Variants in LMF1 observed in about 807,000 individuals in gnomAD.
LMF1 encodes the protein lipase maturation factor 1.
LMF1 carries 68 observed loss-of-function variants against 60.6 expected under a neutral mutation model. The ratio of observed to expected loss-of-function variants is 1.12; its 90% CI spans 0.92 to 1.37. The LOEUF (loss-of-function observed/expected upper bound fraction) is 1.37. Among genes scored for constraint, LMF1 ranks in the 40% most tolerant of loss-of-function variants. The probability of loss-of-function intolerance (pLI) is 0.00; values close to 1 mark genes in which losing one functional copy is unlikely to be tolerated. For synonymous variants in LMF1, 418 were observed against 324.7 expected, an observed-to-expected ratio of 1.29 and a Z score of -3.09; for missense variants, 948 against 767.2, an observed-to-expected ratio of 1.24 and a Z score of -2.78.
intron 1 of LMF1, among the ~76,000 whole-genome samples, chr16:978,098 G>C (rs1394627820): frequency 1.8e-3 from 45 of 25,680 alleles, no homozygotes; most frequent in South Asian, 6.8e-3. Flanking sequence ...AACACACACG[G>C]ACACACACAC....
chr16:981,117 C>A, intron 1 of LMF1: 1 of 417,280 alleles, frequency 2.4e-6, no homozygotes, highest in East Asian at 8.5e-5. Flanking sequence ...CCCCCAGCTC[C>A]GAGCCGCGGC....
intron 6 of LMF1, among the ~76,000 whole-genome samples, chr16:875,201 G>T (rs2069938436): frequency 6.6e-6 from 1 of 152,004 alleles, no homozygotes; most frequent in African/African-American, 2.4e-5. Flanking sequence ...GTGCAGTGAG[G>T]CCCAGCTCTG....
chr16:855,478 C>G, intron 10 of LMF1: 1 of 357,680 alleles, frequency 2.8e-6, no homozygotes, highest in East Asian at 7.4e-5. Flanking sequence ...TCTCGGAGGA[C>G]TGGGCATTTT....
In LMF1 at chr16:860,014, C is replaced by G. The variant is rs1596835287; in HGVS notation, c.1530-5308G>C. On this transcript the variant is annotated intron_variant, in intron 10 of 10. Coordinates refer to ENST00000262301, the MANE Select transcript of LMF1 (RefSeq NM_022773.4). ...ATGGTGGTTTTTGCTTCTCTAATGA[C>G]AGGCATTTCTCCTGAGCTTATCTGT... 2.6e-5 allele frequency among the ~76,000 whole-genome samples: 4 copies of G among 151,884 alleles called. No homozygotes were observed. The South Asian group carries it at 8.3e-4, about 31-fold the overall frequency.
At position 869,946 on chromosome 16, in the gene LMF1, C is replaced by G; in HGVS notation, c.1353G>C (p.Arg451=). The G allele has an allele frequency of 6.2e-7, 1 of 1,613,282 alleles. No individual in the cohort carries two copies. The highest frequency in any genetic ancestry group is 2.2e-5 in the East Asian group (1 of 44,884). ...FKCKPGDPSR[R]PCLISPYHYR... ...AGTGGTACGGGGAGATGAGGCAGGGCCGTCTGCTGGGGTCACCTGGCTTGC... is the reference window on the plus strand; with the variant it reads ...AGTGGTACGGGGAGATGAGGCAGGGGCGTCTGCTGGGGTCACCTGGCTTGC... The change falls in exon 9 of 11, where the codon CGG becomes CGC. Residue 451 remains arginine (R), a synonymous_variant. Coordinates refer to ENST00000262301, the MANE Select transcript of LMF1 (RefSeq NM_022773.4).
upstream of LMF1, chr16:971,109 G>T (rs1052485866): frequency 7.0e-6 from 7 of 1,002,354 alleles, no homozygotes; most frequent in African/African-American, 3.4e-5. Context: ...GGGAGGCCCC[G>T]CTCACAGTCC....
At chr16:936,142 G>A (rs1272191568) in intron 2 of LMF1, among the ~76,000 whole-genome samples, 1 of 148,556 alleles carries the variant, frequency 6.7e-6, no homozygotes, top group African/African-American at 2.5e-5. Flanking sequence ...AGGGCACCCC[G>A]TGGGCTGAGG....
chr16:981,346 G>GAA (rs2073368256), upstream of LMF1: 49 of 222,092 alleles, frequency 2.2e-4, no homozygotes, highest in African/African-American at 1.3e-3. Context: ...GAGAGAGAGA[G>GAA]AGTGTGTGTG....
At chr16:941,497 A>G (rs2151448833) in intron 2 of LMF1, among the ~76,000 whole-genome samples, 1 of 152,360 alleles carries the variant, frequency 6.6e-6, no homozygotes, top group East Asian at 1.9e-4. Flanking sequence ...TGCTGGCATT[A>G]CAGGTATGAG....
At chr16:906,587 G>A (rs902601650) in intron 4 of LMF1, among the ~76,000 whole-genome samples, 2 of 152,042 alleles carry the variant, frequency 1.3e-5, no homozygotes, top group Non-Finnish European at 2.9e-5. Flanking sequence ...CTATCGTGGG[G>A]ACTTGTGATC....
intron 1 of LMF1, among the ~76,000 whole-genome samples, chr16:967,820 G>A (rs998934859): frequency 1.3e-5 from 2 of 152,166 alleles, no homozygotes; most frequent in African/African-American, 2.4e-5. Context: ...CTGCACAGCC[G>A]GGCCAGTGGC....
chr16:906,484 G>C (rs2070974876), intron 4 of LMF1, among the ~76,000 whole-genome samples: 1 of 152,162 alleles, frequency 6.6e-6, no homozygotes, highest in South Asian at 2.1e-4. Context: ...TTTCTTCTGT[G>C]CTGGACGCCT....
chr16:959,674 G>C (rs376627340), intron 1 of LMF1, among the ~76,000 whole-genome samples: 2 of 152,224 alleles, frequency 1.3e-5, no homozygotes, highest in African/African-American at 4.8e-5. Flanking sequence ...CGCAAGGCCA[G>C]AAGGAGCTGT....
chr16:859,484 G>C (rs2069362050), intron 10 of LMF1, among the ~76,000 whole-genome samples: 1 of 102,914 alleles, frequency 9.7e-6, no homozygotes, highest in Admixed American at 8.7e-5. Flanking sequence ...ACGGGTGTGA[G>C]TGGTGTCTCG....
chr16:970,704 G>T (rs755228191), intron 1 of LMF1, 84 bp downstream of exon 1: 2 of 1,285,630 alleles, frequency 1.6e-6, no homozygotes, highest in Non-Finnish European at 2.1e-6. Context: ...CCGCGAGACC[G>T]CGCGGAGGAG....
intron 1 of LMF1, chr16:968,869 G>C (rs146982325): frequency 2.6e-5 from 4 of 152,224 alleles, no homozygotes; most frequent in Non-Finnish European, 5.9e-5. Flanking sequence ...AGGCAAGGCC[G>C]CTGGGACTTC....
At chr16:932,844 C>A (rs968048208) in intron 3 of LMF1, among the ~76,000 whole-genome samples, 1 of 151,534 alleles carries the variant, frequency 6.6e-6, no homozygotes, top group African/African-American at 2.4e-5. Context: ...GGGGGAGGCC[C>A]AGGGACTCAG....
intron 3 of LMF1, among the ~76,000 whole-genome samples, chr16:914,450 G>C (rs2071212572): frequency 6.6e-6 from 1 of 151,706 alleles, no homozygotes; most frequent in Non-Finnish European, 1.5e-5. Context: ...TGTGGGCCCT[G>C]AGCCCCGTGA....
chr16:929,951 A>G (rs921462949), intron 3 of LMF1, among the ~76,000 whole-genome samples: 1 of 150,864 alleles, frequency 6.6e-6, no homozygotes, highest in African/African-American at 2.4e-5. Flanking sequence ...CCAGGACAGC[A>G]GCAGTCGCCT....
Sources: allele counts gnomAD v4.1 joint callset (sites outside exome capture counted in the v4.1 genomes callset), GRCh38; gene constraint gnomAD v4.1.1; transcripts MANE v1.5; gene names NCBI Gene and HGNC (gene_info 2026-07-23, HGNC 2026-07-21).